The following REEP3 variants were observed in gnomAD, a reference collection of about 807,000 sequenced individuals.
The protein encoded by REEP3 is receptor expression-enhancing protein 3.
A neutral mutation model predicts 41.3 loss-of-function variants in REEP3; 20 were observed. The ratio of observed to expected loss-of-function variants is 0.48; its 90% CI spans 0.34 to 0.70. The LOEUF is 0.70. Among genes scored for constraint, REEP3 ranks in the 30% least tolerant of loss-of-function variants. The pLI is 0.01. For missense variants in REEP3, 271 were observed against 308.8 expected (o/e 0.88, Z 0.92); for synonymous variants, 104 against 101.8 (o/e 1.02, Z -0.13).
At chr10:63,571,740 A>G (rs972108204) in intron 2 of REEP3, among the ~76,000 whole-genome samples, 3 of 152,210 alleles carry the variant, frequency 2.0e-5, no homozygotes, top group Non-Finnish European at 4.4e-5. Flanking sequence ...GCCTACTCCA[A>G]TAATATCTCA....
chr10:63,600,837 A>C (rs1354700274), intron 5 of REEP3, among the ~76,000 whole-genome samples: 1 of 152,216 alleles, frequency 6.6e-6, no homozygotes, highest in African/African-American at 2.4e-5. Context: ...GAAAGAATTC[A>C]TAAAGATTCC....
intron 1 of REEP3, among the ~76,000 whole-genome samples, chr10:63,544,122 A>G (rs1272129210): frequency 6.6e-6 from 1 of 152,216 alleles, no homozygotes; most frequent in East Asian, 1.9e-4. Flanking sequence ...CCAGTCAGAG[A>G]GAACAAAATA....
chr10:63,560,763 G>A (rs1955733062), intron 1 of REEP3, among the ~76,000 whole-genome samples: 1 of 152,070 alleles, frequency 6.6e-6, no homozygotes, highest in African/African-American at 2.4e-5. Flanking sequence ...CTTGTAGGTG[G>A]CCCTGTAAAA....
Position 63,624,582 on chromosome 10 carries a change from C to T in REEP3, c.*3713C>T, listed in dbSNP as rs1365982913. On this transcript the variant is annotated 3_prime_UTR_variant, in exon 8 of 8. Coordinates refer to ENST00000373758, the MANE Select transcript of REEP3 (RefSeq NM_001001330.3). Reference sequence around the variant, plus strand: ...AACTCATTTTATTTGTGGCAATTCGCGTTTCTTTTTTTATGCCAGAGTACA... The same window carrying T: ...AACTCATTTTATTTGTGGCAATTCGTGTTTCTTTTTTTATGCCAGAGTACA... 2 of 151,898 alleles carry T rather than the reference C, an allele frequency of 1.3e-5. No individual in the cohort carries two copies. Among genetic ancestry groups the T allele is most frequent in the Non-Finnish European group, 2.9e-5 (2 of 67,922 alleles). 9.4% of individuals were successfully genotyped at this position (151,898 alleles called of 1,614,324 possible). A position where few individuals can be genotyped will look rare whatever the true frequency, so the allele number is the denominator to read the frequency against.
intron 1 of REEP3, among the ~76,000 whole-genome samples, chr10:63,551,210 A>G (rs1312232355): frequency 1.3e-5 from 2 of 152,186 alleles, no homozygotes; most frequent in Admixed American, 1.3e-4. Context: ...TCAAACAAAA[A>G]CAATGTAGGT....
At chr10:63,547,643 C>T (rs1294432745) in intron 1 of REEP3, among the ~76,000 whole-genome samples, 2 of 152,108 alleles carry the variant, frequency 1.3e-5, no homozygotes, top group African/African-American at 4.8e-5. Flanking sequence ...TTTAGGATTG[C>T]ATAGGAATCA....
intron 6 of REEP3, among the ~76,000 whole-genome samples, chr10:63,612,196 A>ACAGGGTCTCACTCTGTCACC (rs1174749110): frequency 1.3e-5 from 2 of 151,568 alleles, no homozygotes; most frequent in Non-Finnish European, 2.9e-5. Context: ...TTATTTTGAG[A>ACAGGGTCTCACTCTGTCACC]CAGGGTCTCA....
intron 1 of REEP3, among the ~76,000 whole-genome samples, chr10:63,555,557 A>G (rs1318468607): frequency 6.6e-6 from 1 of 152,150 alleles, no homozygotes; most frequent in Non-Finnish European, 1.5e-5. Context: ...ACTACTTGTA[A>G]CCATTTAGTC....
In REEP3 at chr10:63,599,153, G is replaced by A. The variant is rs778605068; in HGVS notation, c.304-17G>A. On this transcript the variant is annotated splice_polypyrimidine_tract_variant and intron_variant, in intron 4 of 7. Coordinates refer to ENST00000373758, the MANE Select transcript of REEP3 (RefSeq NM_001001330.3). ...CTATTTTTAAGTAAAACTAACATCT[G>A]TGGCTTTTTCCCCCAGGAGATTGAT... 1.5e-6 allele frequency: 2 copies of A among 1,304,326 alleles called. No homozygotes were observed. Among genetic ancestry groups the A allele is most frequent in the African/African-American group, 1.5e-5 (1 of 67,042 alleles). The allele number at this position is 1,304,326 out of a possible 1,614,324, so 80.8% of individuals were successfully genotyped here.
intron 1 of REEP3, among the ~76,000 whole-genome samples, chr10:63,522,692 G>A (rs1028936662): frequency 3.8e-4 from 58 of 152,220 alleles, no homozygotes; most frequent in African/African-American, 1.1e-3. Context: ...TCTGAGTTTG[G>A]GGTTTATTTT....
chr10:63,547,474 G>A lies in REEP3; in HGVS notation c.33-18864G>A, dbSNP rs142428399. 1.0e-2 allele frequency among the ~76,000 whole-genome samples: 1,521 copies of A among 152,228 alleles called. 13 individuals carry two copies. Among genetic ancestry groups the A allele is most frequent in the Admixed American group, 0.017 (255 of 15,286 alleles). ...TACTTCACACCAAAAAAGGGGTGGGGTGCATGCAAGTAGCCAAGAAACATA... is the reference window on the plus strand; with the variant it reads ...TACTTCACACCAAAAAAGGGGTGGGATGCATGCAAGTAGCCAAGAAACATA... On this transcript the variant is annotated intron_variant, in intron 1 of 7. Transcript: ENST00000373758.
Position 63,521,493 on chromosome 10 carries a change from C to T in REEP3, c.-53C>T. 4.6e-6 allele frequency: 6 copies of T among 1,310,060 alleles called. No individual in the cohort carries two copies. The highest frequency in any genetic ancestry group is 6.0e-6 in the Non-Finnish European group (6 of 1,003,720). The allele number at this position is 1,310,060 out of a possible 1,614,324, so 81.2% of individuals were successfully genotyped here. ...GCGGCCTGCCGTTGGCGGCCTGGTC[C>T]GCAGCGCCCTGCGCCCACCCGCCCC... is the stretch of plus-strand genomic sequence containing the variant. On this transcript the variant is annotated 5_prime_UTR_variant, in exon 1 of 8. Transcript: ENST00000373758.
At chr10:63,568,360 G>A (rs546733795) in intron 2 of REEP3, among the ~76,000 whole-genome samples, 190 of 150,394 alleles carry the variant, frequency 1.3e-3, no homozygotes, top group African/African-American at 4.5e-3. Context: ...TCTACCTCCC[G>A]GGTTCACGCC....
chr10:63,614,158 A>G (rs1956296013), intron 6 of REEP3, among the ~76,000 whole-genome samples: 1 of 152,238 alleles, frequency 6.6e-6, no homozygotes, highest in Admixed American at 6.5e-5. Flanking sequence ...TATATGAAAG[A>G]GATTCTCAAC....
At chr10:63,598,716 G>A (rs1956142056) in intron 4 of REEP3, among the ~76,000 whole-genome samples, 1 of 151,314 alleles carries the variant, frequency 6.6e-6, no homozygotes, top group Non-Finnish European at 1.5e-5. Flanking sequence ...CCCGGGAGGT[G>A]GAGTTTGCAG....
At chr10:63,548,007 A>G (rs994942831) in intron 1 of REEP3, among the ~76,000 whole-genome samples, 2 of 152,224 alleles carry the variant, frequency 1.3e-5, no homozygotes, top group Non-Finnish European at 1.5e-5. Flanking sequence ...TTTCCCAAGG[A>G]TGTAACCTAA....
rs540438841 is a variant in REEP3 at position 63,537,164 on chromosome 10, A to G, written c.32+15587A>G. Among the ~76,000 whole-genome samples, 8 of 152,356 alleles carry G rather than the reference A, an allele frequency of 5.3e-5. No individual in the cohort carries two copies. In the South Asian group the frequency reaches 1.4e-3, roughly 28 times the overall value. ...GTTTATGTACAAAATGGAATATTAT[A>G]CAACAGGAACTACTACTTAGAAGCC... On this transcript the variant is annotated intron_variant, in intron 1 of 7. Transcript: ENST00000373758.
chr10:63,606,823 A>G (rs1477770677), intron 5 of REEP3, among the ~76,000 whole-genome samples: 1 of 152,238 alleles, frequency 6.6e-6, no homozygotes, highest in Non-Finnish European at 1.5e-5. Context: ...ATTAAAGACA[A>G]TATTTTAAAA....
Position 63,619,795 on chromosome 10 carries a change from A to G in REEP3, c.706A>G (p.Lys236Glu). 1.2e-6 allele frequency: 2 copies of G among 1,607,704 alleles called. No individual in the cohort carries two copies. The highest frequency in any genetic ancestry group is 2.7e-5 in the African/African-American group (2 of 74,986). ...ATCTGTGAAAACCACCAAAGGCCGCAAAGAGGTTGGTTAAGTGTAGAGCTG... is the reference window on the plus strand; with the variant it reads ...ATCTGTGAAAACCACCAAAGGCCGCGAAGAGGTTGGTTAAGTGTAGAGCTG... ...MKSVKTTKGRKEVRYGSLKYK... is the reference protein window; with the variant it reads ...MKSVKTTKGREEVRYGSLKYK... The change falls in exon 7 of 8, where the codon AAA becomes GAA. Residue 236 changes from lysine (K) to glutamate (E), a missense_variant. Coordinates refer to ENST00000373758, the MANE Select transcript of REEP3 (RefSeq NM_001001330.3).
Sources: allele counts gnomAD v4.1 joint callset (sites outside exome capture counted in the v4.1 genomes callset), GRCh38; gene constraint gnomAD v4.1.1; transcripts MANE v1.5; gene names NCBI Gene and HGNC (gene_info 2026-07-23, HGNC 2026-07-21).